Variants in PPWD1 observed in about 807,000 individuals in gnomAD.
PPWD1 encodes the protein peptidylprolyl isomerase domain and WD repeat-containing protein 1.
Under a neutral mutation model 68.8 loss-of-function variants are expected in PPWD1, and 43 were observed. The observed-to-expected ratio is 0.62, with a 90% CI of 0.49 to 0.81. The LOEUF is 0.81. Ranked by LOEUF, PPWD1 falls within the 30% of genes least tolerant of loss-of-function variation. PPWD1 has a pLI of 0.00. For synonymous variants in PPWD1, 232 were observed against 258.7 expected (o/e 0.90, Z 0.99); for missense variants, 672 against 804.8 (o/e 0.83, Z 2.00).
rs140226001 is a variant in PPWD1, at chr5:65,572,152, T to C, written c.835T>C (p.Cys279Arg). ...CACTGATTTATATGAATTTGCCAAG[T>C]GTAAGGCTTATCCAACCAGCGTATG... is the stretch of plus-strand genomic sequence containing the variant. ...TDTDLYEFAK[C>R]KAYPTSVCFS... Residue 279 changes from cysteine (C) to arginine (R), a missense_variant, in exon 5 of 11, where the codon TGT becomes CGT. By Grantham distance (180) the Cys-to-Arg change is radical. This residue lies in a region of PPWD1 where 484 missense variants were observed against 646.2 expected (regional missense o/e 0.75). Transcript: ENST00000261308. The C allele has an allele frequency of 4.3e-5, 70 of 1,613,984 alleles. No individual in the cohort carries two copies. Among genetic ancestry groups the C allele is most frequent in the South Asian group, 1.6e-4 (15 of 91,086 alleles).
intron 9 of PPWD1, among the ~76,000 whole-genome samples, chr5:65,585,307 C>A (rs187803227): frequency 6.6e-6 from 1 of 152,176 alleles, no homozygotes; most frequent in Non-Finnish European, 1.5e-5. Context: ...AACACTGAAG[C>A]AATATTTTGT....
chr5:65,567,694 T>C (rs1752840460), intron 2 of PPWD1, 79 bp downstream of exon 2: 5 of 1,420,830 alleles, frequency 3.5e-6, no homozygotes, highest in Middle Eastern at 2.1e-4. Context: ...GGTAGATTTA[T>C]AGAGATAATT....
Position 65,577,000 on chromosome 5 carries a change from A to C in PPWD1, c.1091A>C (p.Asp364Ala). 6.2e-7 allele frequency: 1 copy of C among 1,614,176 alleles called. No individual in the cohort carries two copies. The highest frequency in any genetic ancestry group is 8.5e-7 in the Non-Finnish European group (1 of 1,180,008). The stretch of plus-strand genomic sequence containing the variant: ...GTAAGATTAATTAATATAGTTTTTG[A>C]TGAAACTGGACACTTCGTGCTGTAT... ...DAVRLINIVF[D>A]ETGHFVLYGT... The change falls in exon 6 of 11, where the codon GAT becomes GCT. Residue 364 changes from aspartate to alanine, a missense_variant. Asp to Ala is a moderately radical substitution (Grantham distance 126). Around this residue, in one of 2 missense-constraint regions of PPWD1, gnomAD observed 484 missense variants for 646.2 expected, o/e 0.75. Transcript: ENST00000261308.
chr5:65,572,484 G>A (rs752859820), intron 5 of PPWD1, among the ~76,000 whole-genome samples, 198 bp downstream of exon 5: 20 of 151,956 alleles, frequency 1.3e-4, no homozygotes, highest in Admixed American at 9.2e-4. Context: ...TATGATGTGC[G>A]TTTTTCAAGT....
chr5:65,567,636 T>A (rs1404910508), intron 2 of PPWD1, 21 bp downstream of exon 2: 6 of 1,560,592 alleles, frequency 3.8e-6, no homozygotes, highest in Non-Finnish European at 5.2e-6. Flanking sequence ...CACATCTTTT[T>A]TACTTTGTTC....
In PPWD1 at chr5:65,569,510, G is replaced by GT. The variant is rs200678289; in HGVS notation, c.300-114dup. 9.7e-4 allele frequency: 1,115 copies of GT among 1,146,718 alleles called. 1 individual carries two copies. Among genetic ancestry groups the GT allele is most frequent in the Middle Eastern group, 5.0e-3 (18 of 3,590 alleles). The allele number at this position is 1,146,718 out of a possible 1,614,324, so 71.0% of individuals were successfully genotyped here. A position where few individuals can be genotyped will look rare whatever the true frequency, so the allele number is the denominator to read the frequency against. ...AATATAGTGGTCTGCTTAAAGAAGGGTTTTTTTTAAAAAAAAACCTATTAT... is the reference window on the plus strand; with the variant it reads ...AATATAGTGGTCTGCTTAAAGAAGGGTTTTTTTTTAAAAAAAAACCTATTAT... On this transcript the variant is annotated intron_variant, in intron 2 of 10. Transcript: ENST00000261308.
intron 5 of PPWD1, among the ~76,000 whole-genome samples, chr5:65,573,275 GCA>G (rs1408742863): frequency 1.3e-5 from 2 of 150,714 alleles, no homozygotes; most frequent in Non-Finnish European, 1.5e-5. Flanking sequence ...ATCCTGTCTT[GCA>G]CAGTTTTTTT....
intron 2 of PPWD1, 136 bp downstream of exon 2, chr5:65,567,751 C>G: frequency 1.5e-6 from 2 of 1,342,422 alleles, no homozygotes; most frequent in East Asian, 2.6e-5. Flanking sequence ...AAATAAAGGC[C>G]TACATGTTCT....
chr5:65,585,956 A>G (rs761897515), intron 9 of PPWD1, 43 bp from the exon 10 acceptor site: 1 of 1,594,954 alleles, frequency 6.3e-7, no homozygotes, highest in South Asian at 1.1e-5. Context: ...GCGTACATAT[A>G]TCGAAAAGGA....
At chr5:65,578,205 C>G (rs1326877707) in intron 6 of PPWD1, among the ~76,000 whole-genome samples, 1 of 152,212 alleles carries the variant, frequency 6.6e-6, no homozygotes, top group Non-Finnish European at 1.5e-5. Context: ...GAATAATACT[C>G]CATTGTCTGG....
At chr5:65,564,154 A>C (rs1581141577) in intron 1 of PPWD1, among the ~76,000 whole-genome samples, 1 of 151,596 alleles carries the variant, frequency 6.6e-6, no homozygotes, top group East Asian at 1.9e-4. Flanking sequence ...AGGGGTGGGA[A>C]AAGGGGTAGA....
At chr5:65,585,195 T>A in intron 9 of PPWD1, 100 bp downstream of exon 9, 2 of 1,206,676 alleles carry the variant, frequency 1.7e-6, no homozygotes, top group Non-Finnish European at 2.3e-6. Flanking sequence ...TTAATCAGTT[T>A]AGTGGAAAGG....
intron 1 of PPWD1, 131 bp downstream of exon 1, chr5:65,563,637 C>T: frequency 7.4e-7 from 1 of 1,347,070 alleles, no homozygotes; most frequent in Admixed American, 2.2e-5. Context: ...CCTCTCACTT[C>T]TGGCTACTCC....
rs73762030 is a variant in PPWD1 at position 65,568,921 on chromosome 5, A to G, written c.300-711A>G. 2.8e-3 allele frequency: 1,269 copies of G among 455,776 alleles called. 14 individuals are homozygous for G. The highest frequency in any genetic ancestry group is 0.02 in the African/African-American group (1,012 of 50,116). The allele number at this position is 455,776 out of a possible 1,614,324, so 28.2% of individuals were successfully genotyped here. On this transcript the variant is annotated intron_variant, in intron 2 of 10. Coordinates refer to ENST00000261308, the MANE Select transcript of PPWD1 (RefSeq NM_015342.4). Reference sequence around the variant, plus strand: ...TGTTTTGTTTTTTTAACCCAAGACAATGGAAGGTAATACAGAGAATATAGG... The same window carrying G: ...TGTTTTGTTTTTTTAACCCAAGACAGTGGAAGGTAATACAGAGAATATAGG...
chr5:65,576,559 GT>G (rs1357709073), intron 5 of PPWD1, among the ~76,000 whole-genome samples: 2 of 151,948 alleles, frequency 1.3e-5, no homozygotes, highest in Non-Finnish European at 2.9e-5. Flanking sequence ...TATGTTTTTA[GT>G]GGAGACGGGG....
In PPWD1 at chr5:65,571,917, A is replaced by G; in HGVS notation, c.600A>G (p.Thr200=). Residue 200 remains threonine (T), a synonymous_variant, in exon 5 of 11, where the codon ACA becomes ACG. Coordinates refer to ENST00000261308, the MANE Select transcript of PPWD1 (RefSeq NM_015342.4). ...CAGTTGCTGCTTCCGAAAAGAGTAC[A>G]GGAAAAATTTTCATTTATGATGGCC... ...ISSVAASEKS[T]GKIFIYDGRG... is the part of the protein sequence containing the mutation. The G allele has an allele frequency of 6.2e-7, 1 of 1,614,174 alleles. No homozygotes were observed. The highest frequency in any genetic ancestry group is 8.5e-7 in the Non-Finnish European group (1 of 1,180,016).
chr5:65,577,792 A>G (rs1409839072), intron 6 of PPWD1, among the ~76,000 whole-genome samples: 1 of 152,182 alleles, frequency 6.6e-6, no homozygotes, highest in Non-Finnish European at 1.5e-5. Context: ...GATTTTCCAT[A>G]TACCCTCTGC....
At chr5:65,578,276 C>A (rs1561728898) in intron 6 of PPWD1, among the ~76,000 whole-genome samples, 2 of 152,184 alleles carry the variant, frequency 1.3e-5, no homozygotes, top group Non-Finnish European at 2.9e-5. Flanking sequence ...CAAGTTTTGG[C>A]AGTTATGTAT....
chr5:65,567,179 T>C (rs1004400167), intron 1 of PPWD1, among the ~76,000 whole-genome samples: 3 of 152,108 alleles, frequency 2.0e-5, no homozygotes, highest in Admixed American at 6.5e-5. Flanking sequence ...TAATTTTTTT[T>C]CCTTTTTCTT....
Sources: gnomAD v4.1 joint callset for allele counts (sites outside exome capture counted in the v4.1 genomes callset) on GRCh38, gnomAD v4.1.1 for gene constraint, gnomAD v4.1.1 regional missense constraint, MANE v1.5 for transcripts, NCBI Gene and HGNC (gene_info 2026-07-23, HGNC 2026-07-21) for gene names.